Variants in ELAVL1 observed in about 807,000 individuals in gnomAD.
ELAVL1 encodes the protein ELAV like RNA binding protein 1.
Under a neutral mutation model 28.4 loss-of-function variants are expected in ELAVL1, and 1 was observed. The ratio of observed to expected loss-of-function variants is 0.04; its 90% confidence interval spans 0.01 to 0.17. The LOEUF is 0.17. ELAVL1 is among the 10% of genes least tolerant of loss of function. ELAVL1 has a pLI of 1.00. For synonymous variants in ELAVL1, 174 were observed against 183.5 expected (o/e 0.95, Z 0.42); for missense variants, 157 against 447.2 (o/e 0.35, Z 5.85).
intron 5 of ELAVL1, among the ~76,000 whole-genome samples, chr19:7,966,778 C>G (rs1984966022): frequency 6.6e-6 from 1 of 151,964 alleles, no homozygotes; most frequent in African/African-American, 2.4e-5. Flanking sequence ...CATCACCATG[C>G]CCAGTTTTTT....
chr19:7,991,939 T>C, intron 1 of ELAVL1, 108 bp from the exon 2 acceptor site: 3 of 1,031,554 alleles, frequency 2.9e-6, no homozygotes, highest in Admixed American at 3.4e-5. Context: ...TTTCTTTTTT[T>C]TTTTTTTTGT....
chr19:7,986,445 G>A (rs190747373), intron 2 of ELAVL1, among the ~76,000 whole-genome samples: 7 of 152,342 alleles, frequency 4.6e-5, no homozygotes, highest in South Asian at 2.1e-4. Context: ...AACTTCACTC[G>A]AAATAGGAAT....
At chr19:8,001,663 G>A (rs957491290) in intron 1 of ELAVL1, among the ~76,000 whole-genome samples, 11 of 150,744 alleles carry the variant, frequency 7.3e-5, no homozygotes, top group South Asian at 4.2e-4. Flanking sequence ...ATGGGATCTC[G>A]CTATGTTGCC....
At chr19:7,967,522 G>C (rs1984988695) in intron 5 of ELAVL1, 43 bp downstream of exon 5, 1 of 1,595,990 alleles carries the variant, frequency 6.3e-7, no homozygotes, top group South Asian at 1.1e-5. Context: ...CCTGCCAGCG[G>C]GGCTAAGTAT....
chr19:7,985,575 T>C (rs1415250165), intron 2 of ELAVL1, among the ~76,000 whole-genome samples: 1 of 152,092 alleles, frequency 6.6e-6, no homozygotes, highest in East Asian at 1.9e-4. Context: ...GCCTGAGGGT[T>C]TGCGAGGGAG....
At chr19:7,969,361 C>T (rs1985040987) in intron 4 of ELAVL1, among the ~76,000 whole-genome samples, 1 of 152,222 alleles carries the variant, frequency 6.6e-6, no homozygotes, top group Non-Finnish European at 1.5e-5. Context: ...CATGTCCTGT[C>T]TCCACGCCTC....
Position 7,991,628 on chromosome 19 carries a change from G to A in ELAVL1, c.172+16C>T, listed in dbSNP as rs369079914. The A allele has an allele frequency of 7.4e-5, 118 of 1,601,172 alleles. 1 individual carries two copies. The Middle Eastern group carries it at 8.3e-4, about 11-fold the overall frequency. On this transcript the variant is annotated intron_variant, in intron 2 of 5. Transcript: ENST00000407627. ...CCACCAATACCCGGTTTACTAAAAC[G>A]CCTCCATTTCTTTACCTGCTACTTT...
chr19:7,963,189 G>T lies in ELAVL1; in HGVS notation c.*294C>A. 2.7e-6 allele frequency: 1 copy of T among 366,142 alleles called. No homozygotes were observed. Among genetic ancestry groups the T allele is most frequent in the Non-Finnish European group, 5.0e-6 (1 of 199,714 alleles). The allele number at this position is 366,142 out of a possible 1,614,324, so 22.7% of individuals were successfully genotyped here. A position where few individuals can be genotyped will look rare whatever the true frequency, so the allele number is the denominator to read the frequency against. ...GTCTTAGAGGTTAAAGCATGCTTCA[G>T]GTTCACCACCATCCAGAGGGACTGG... On this transcript the variant is annotated 3_prime_UTR_variant, in exon 6 of 6. Coordinates refer to ENST00000407627, the MANE Select transcript of ELAVL1 (RefSeq NM_001419.3). This position sits in a 1 kb window ranked among gnomAD's most constrained non-coding sequence, Gnocchi z 4.5.
intron 1 of ELAVL1, among the ~76,000 whole-genome samples, chr19:7,995,438 T>A (rs1410958737): frequency 6.6e-6 from 1 of 152,166 alleles, no homozygotes; most frequent in Non-Finnish European, 1.5e-5. Flanking sequence ...TGTGGTATCC[T>A]CTAGGTCTGG....
intron 1 of ELAVL1, among the ~76,000 whole-genome samples, chr19:7,997,732 G>C (rs1320944634): frequency 6.6e-6 from 1 of 151,342 alleles, no homozygotes; most frequent in Non-Finnish European, 1.5e-5. Flanking sequence ...CTTAAGCCTG[G>C]AGTTCAAGAC....
intron 1 of ELAVL1, among the ~76,000 whole-genome samples, chr19:8,000,361 G>A (rs563510602): frequency 6.6e-6 from 1 of 152,222 alleles, no homozygotes; most frequent in African/African-American, 2.4e-5. Context: ...CCAGGGGAGA[G>A]AGATGTGTGT....
At position 7,982,836 on chromosome 19, in the gene ELAVL1, G is replaced by A. The variant is rs559295232; in HGVS notation, c.173-1650C>T. ...CGTGACTGTGACGGTTTTGAGGACT[G>A]GTCGGACATCCCGTAGACTCTCGAT... On this transcript the variant is annotated intron_variant, in intron 2 of 5. Transcript: ENST00000407627. This position sits in a 1 kb window ranked among gnomAD's most constrained non-coding sequence, Gnocchi z 4.3. Among the ~76,000 whole-genome samples the A allele has an allele frequency of 1.9e-4, 29 of 152,326 alleles. 1 individual carries two copies. The South Asian group carries it at 5.4e-3, about 28-fold the overall frequency.
intron 2 of ELAVL1, among the ~76,000 whole-genome samples, chr19:7,985,579 G>A (rs762091303): frequency 2.0e-5 from 3 of 152,200 alleles, no homozygotes; most frequent in South Asian, 2.1e-4. Context: ...GAGGGTTTGC[G>A]AGGGAGCAGG....
At chr19:7,991,065 G>A (rs917747595) in intron 2 of ELAVL1, among the ~76,000 whole-genome samples, 1 of 152,192 alleles carries the variant, frequency 6.6e-6, no homozygotes, top group African/African-American at 2.4e-5. Context: ...GAACAGCAGG[G>A]CTTTTAGCTG....
chr19:7,968,755 G>A (rs565582668), intron 4 of ELAVL1, among the ~76,000 whole-genome samples: 1 of 152,364 alleles, frequency 6.6e-6, no homozygotes, highest in South Asian at 2.1e-4. Context: ...AAGGCGGGTG[G>A]AAGGAGAGCA....
intron 4 of ELAVL1, among the ~76,000 whole-genome samples, chr19:7,971,024 G>C (rs1985095681): frequency 6.6e-6 from 1 of 152,180 alleles, no homozygotes; most frequent in Non-Finnish European, 1.5e-5. Context: ...GCAGAGCCGG[G>C]AGACCCTCCT....
chr19:7,980,116 G>A (rs1985414179), intron 3 of ELAVL1, among the ~76,000 whole-genome samples: 1 of 152,202 alleles, frequency 6.6e-6, no homozygotes, highest in Non-Finnish European at 1.5e-5. Flanking sequence ...GCTCACACAG[G>A]ACCACCTCAT....
Position 7,961,330 on chromosome 19 carries a change from C to T in ELAVL1, c.*2153G>A, listed in dbSNP as rs1403290600. ...CTTCCATCAGAAGGGTGTTGGCTCC[C>T]ACCTTCCATCAGAAGGGTGTTGGCT... is the stretch of plus-strand genomic sequence containing the variant. On this transcript the variant is annotated 3_prime_UTR_variant, in exon 6 of 6. Transcript: ENST00000407627. The T allele has an allele frequency of 1.4e-5, 2 of 141,948 alleles. No individual in the cohort carries two copies. The highest frequency in any genetic ancestry group is 4.1e-4 in the East Asian group (2 of 4,838). 8.8% of individuals were successfully genotyped at this position (141,948 alleles called of 1,614,324 possible).
At chr19:7,975,467 T>G (rs1985254921) in intron 3 of ELAVL1, among the ~76,000 whole-genome samples, 1 of 152,246 alleles carries the variant, frequency 6.6e-6, no homozygotes, top group Non-Finnish European at 1.5e-5. Flanking sequence ...ACTGTCATGT[T>G]CAGTCAGGCT....
Sources: gnomAD v4.1 joint callset for allele counts (sites outside exome capture counted in the v4.1 genomes callset) on GRCh38, gnomAD v4.1.1 for gene constraint, Gnocchi (gnomAD v3.1) non-coding constraint, MANE v1.5 for transcripts, NCBI Gene and HGNC (gene_info 2026-07-23, HGNC 2026-07-21) for gene names.